The following CENPT variants were observed in gnomAD, a reference collection of about 807,000 sequenced individuals.
The protein encoded by CENPT is interphase centromere complex protein 22.
In CENPT, 42 loss-of-function variants were observed where a neutral mutation model predicts 59.7. The observed-to-expected ratio is 0.70, with a 90% CI of 0.55 to 0.91. The LOEUF is 0.91. Ranked by LOEUF, CENPT falls within the 40% of genes least tolerant of loss-of-function variation. The pLI is 0.00. For missense variants in CENPT, 716 were observed against 713.4 expected, an observed-to-expected ratio of 1.00 and a Z score of -0.04; for synonymous variants, 295 against 289.6, an observed-to-expected ratio of 1.02 and a Z score of -0.19.
Position 67,832,017 on chromosome 16 carries a change from G to C in CENPT, c.381C>G (p.Cys127Trp), listed in dbSNP as rs202192558. ...AVQPSRQESS[C>W]GSLELQLPEL... is the part of the protein sequence containing the mutation. ...GGTGGGGGAGTTCTGTGTACCTGCC[G>C]CAACTGCTCTCTTGTCTGGAGGGTT... The change falls in exon 7 of 16, where the codon TGC becomes TGG. Residue 127 changes from cysteine (C) to tryptophan (W), a missense_variant. By Grantham distance (215) the Cys-to-Trp change is radical. Transcript: ENST00000562787. The C allele has an allele frequency of 1.2e-6, 2 of 1,601,098 alleles. No homozygotes were observed. Among genetic ancestry groups the C allele is most frequent in the Non-Finnish European group, 1.7e-6 (2 of 1,171,920 alleles).
chr16:67,840,197 A>C (rs1311792271), intron 1 of CENPT, among the ~76,000 whole-genome samples: 1 of 152,154 alleles, frequency 6.6e-6, no homozygotes, highest in Non-Finnish European at 1.5e-5. Context: ...GGGCGCTTGT[A>C]GTCCCAGCTA....
Position 67,829,476 on chromosome 16 carries a change from C to G in CENPT, c.1227G>C (p.Gln409His), listed in dbSNP as rs756303828. The G allele has an allele frequency of 4.4e-6, 7 of 1,588,144 alleles. No homozygotes were observed. Among genetic ancestry groups the G allele is most frequent in the African/African-American group, 4.1e-5 (3 of 72,938 alleles). Residue 409 changes from glutamine (Q) to histidine (H), a missense_variant, in exon 13 of 16, where the codon CAG becomes CAC. Gln to His is a conservative substitution (Grantham distance 24, BLOSUM62 0). Transcript: ENST00000562787. ...ESASSTPESL[Q>H]ARRHHQFLEP... Reference sequence around the variant, plus strand: ...CAAGAAACTGATGATGTCGCCTGGCCTGGAGAGACTCAGGGGTGCTGGAGG... The same window carrying G: ...CAAGAAACTGATGATGTCGCCTGGCGTGGAGAGACTCAGGGGTGCTGGAGG...
At chr16:67,839,242 C>T (rs904194539) in intron 1 of CENPT, among the ~76,000 whole-genome samples, 18 of 151,676 alleles carry the variant, frequency 1.2e-4, no homozygotes, top group East Asian at 1.9e-4. Context: ...AAAAATTAGC[C>T]GGGTATGGTG....
intron 4 of CENPT, among the ~76,000 whole-genome samples, 195 bp downstream of exon 4, chr16:67,833,555 C>CA (rs890382774): frequency 2.0e-5 from 3 of 152,156 alleles, no homozygotes; most frequent in Admixed American, 6.5e-5. Context: ...AACCAGTTCT[C>CA]AGAGTCCCAG....
intron 13 of CENPT, 173 bp from the exon 14 acceptor site, chr16:67,829,016 C>T: frequency 5.1e-6 from 3 of 593,350 alleles, no homozygotes; most frequent in Non-Finnish European, 2.9e-6. Context: ...CACATAGAGG[C>T]CAGTCTTTCC....
At position 67,833,737 on chromosome 16, in the gene CENPT, C is replaced by T. The variant is rs1185674031; in HGVS notation, c.110+13G>A. 9 of 1,479,554 alleles carry T rather than the reference C, an allele frequency of 6.1e-6. No individual in the cohort carries two copies. Among genetic ancestry groups the T allele is most frequent in the South Asian group, 2.6e-5 (2 of 76,998 alleles). The allele number at this position is 1,479,554 out of a possible 1,614,324, so 91.7% of individuals were successfully genotyped here. ...TCTAGTTGCTCAAGTACTCGGGGAG[C>T]CCCCTCACATACCCAGCCCGAGCAC... On this transcript the variant is annotated intron_variant, in intron 4 of 15. Coordinates refer to ENST00000562787, the MANE Select transcript of CENPT (RefSeq NM_025082.4).
rs1013460871 is a variant in CENPT at position 67,835,593 on chromosome 16, G to A, written c.-426C>T. On this transcript the variant is annotated 5_prime_UTR_variant, in exon 2 of 16. Transcript: ENST00000562787. ...CAGGAGAATTGCTTGAACCCTGGGA[G>A]GCAGAGGTTGCAGAGCTGAGATCGA... 2 of 152,126 alleles carry A rather than the reference G, an allele frequency of 1.3e-5. No homozygotes were observed. The highest frequency in any genetic ancestry group is 4.8e-5 in the African/African-American group (2 of 41,432). 9.4% of individuals were successfully genotyped at this position (152,126 alleles called of 1,614,324 possible).
intron 5 of CENPT, 21 bp from the exon 6 acceptor site, chr16:67,832,336 A>G (rs748742967): frequency 6.8e-6 from 11 of 1,613,592 alleles, no homozygotes; most frequent in Non-Finnish European, 8.5e-6. Flanking sequence ...AGCACCAAGC[A>G]ACCAGTCTGT....
Position 67,843,132 on chromosome 16 carries a change from A to G in CENPT, c.-492+4269T>C. 6.2e-7 allele frequency: 1 copy of G among 1,610,136 alleles called. No homozygotes were observed. The highest frequency in any genetic ancestry group is 8.5e-7 in the Non-Finnish European group (1 of 1,179,626). On this transcript the variant is annotated intron_variant, in intron 1 of 15. Transcript: ENST00000562787. The surrounding 1 kb of genome is among the most constrained non-coding windows in gnomAD (Gnocchi z 5.7). ...GTGAAGCCCATCGATCTCACAGTGC[A>G]AGTGGAGTTTGCAGCCGCAGAGGGC...
At chr16:67,829,541 C>A in intron 12 of CENPT, 25 bp from the exon 13 acceptor site, 1 of 1,576,842 alleles carries the variant, frequency 6.3e-7, no homozygotes, top group East Asian at 2.2e-5. Context: ...GGTGGGGTCA[C>A]AGGGATTCCA....
chr16:67,829,339 G>A lies in CENPT; in HGVS notation c.1280+84C>T. The stretch of plus-strand genomic sequence containing the variant: ...CTGGGTAATCATCTGCATACCCGTA[G>A]GAAGGGGGAGGACCCTATGTACACA... On this transcript the variant is annotated intron_variant, in intron 13 of 15. Coordinates refer to ENST00000562787, the MANE Select transcript of CENPT (RefSeq NM_025082.4). 3 of 1,099,464 alleles carry A rather than the reference G, an allele frequency of 2.7e-6. No individual in the cohort carries two copies. The Admixed American group carries it at 9.3e-5, about 34-fold the overall frequency. 68.1% of individuals were successfully genotyped at this position (1,099,464 alleles called of 1,614,324 possible).
At chr16:67,838,063 G>C (rs1263405180) in intron 1 of CENPT, among the ~76,000 whole-genome samples, 1 of 152,204 alleles carries the variant, frequency 6.6e-6, no homozygotes, top group Non-Finnish European at 1.5e-5. Flanking sequence ...GATTAAGACA[G>C]AGAGTGAGCT....
Position 67,843,883 on chromosome 16 carries a change from T to C in CENPT, c.-492+3518A>G, listed in dbSNP as rs529581239. The C allele has an allele frequency of 7.9e-5, 16 of 202,940 alleles. No homozygotes were observed. Among genetic ancestry groups the C allele is most frequent in the Non-Finnish European group, 1.8e-4 (16 of 89,670 alleles). The allele number at this position is 202,940 out of a possible 1,614,324, so 12.6% of individuals were successfully genotyped here. ...TTGGTCAGCAGTCAGACAACTCTAA[T>C]GTGTGTAGTGATAAGAGATTCAAGT... On this transcript the variant is annotated intron_variant, in intron 1 of 15. Transcript: ENST00000562787. The surrounding 1 kb of genome is among the most constrained non-coding windows in gnomAD (Gnocchi z 5.7).
At position 67,833,828 on chromosome 16, in the gene CENPT, G is replaced by C; in HGVS notation, c.32C>G (p.Thr11Arg). ...CACGCGTCGCAGCAGCGTGCGCGGC[G>C]TGGAGTCGCTGTCAGGGTTGTGGTC... MADHNPDSDS[T>R]PRTLLRRVLD... Residue 11 changes from threonine to arginine, a missense_variant, in exon 4 of 16, where the codon ACG becomes AGG. By Grantham distance (71) the Thr-to-Arg change is moderately conservative. Coordinates refer to ENST00000562787, the MANE Select transcript of CENPT (RefSeq NM_025082.4). 2 of 1,572,972 alleles carry C rather than the reference G, an allele frequency of 1.3e-6. No homozygotes were observed. Among genetic ancestry groups the C allele is most frequent in the Middle Eastern group, 3.4e-4 (2 of 5,922 alleles).
intron 11 of CENPT, 137 bp from the exon 12 acceptor site, chr16:67,830,225 G>T: frequency 1.7e-6 from 2 of 1,210,110 alleles, no homozygotes; most frequent in Non-Finnish European, 1.2e-6. Context: ...ACCAGGACAT[G>T]GATCTGAAGT....
rs1270275691 is a variant in CENPT at position 67,830,418 on chromosome 16, C to T, written c.834G>A (p.Gln278=). Residue 278 remains glutamine, a synonymous_variant, in exon 11 of 16, where the codon CAG becomes CAA. Coordinates refer to ENST00000562787, the MANE Select transcript of CENPT (RefSeq NM_025082.4). ...DAEQAAGRKT[Q]SSGPGLQKNS... ...TCTTCTGCAGCCCAGGCCCACTGCT[C>T]TGTGTCTTGCGACCGGCAGCCTGCT... 3 of 1,613,708 alleles carry T rather than the reference C, an allele frequency of 1.9e-6. No individual in the cohort carries two copies. The highest frequency in any genetic ancestry group is 2.2e-5 in the East Asian group (1 of 44,892).
intron 1 of CENPT, among the ~76,000 whole-genome samples, chr16:67,839,381 CAAA>C (rs533840724): frequency 5.5e-5 from 3 of 54,166 alleles, no homozygotes; most frequent in Non-Finnish European, 7.6e-5. Flanking sequence ...AACTCCACCT[CAAA>C]AAAAAAAAAA....
chr16:67,842,835 C>T lies in CENPT; in HGVS notation c.-492+4566G>A. 2.5e-6 allele frequency: 4 copies of T among 1,608,972 alleles called. No individual in the cohort carries two copies. Among genetic ancestry groups the T allele is most frequent in the Non-Finnish European group, 3.4e-6 (4 of 1,179,108 alleles). ...AATGAGCGCAAAGTAGCGCGCAGAC[C>T]CGCTGGGGCCGCGGCCGCCCGCCGC... On this transcript the variant is annotated intron_variant, in intron 1 of 15. Coordinates refer to ENST00000562787, the MANE Select transcript of CENPT (RefSeq NM_025082.4). This position sits in a 1 kb window ranked among gnomAD's most constrained non-coding sequence, Gnocchi z 4.9.
chr16:67,847,158 C>G (rs998197975), intron 1 of CENPT: 1 of 151,852 alleles, frequency 6.6e-6, no homozygotes, highest in African/African-American at 2.4e-5. Context: ...CGCCTCCCGC[C>G]GGTCCTGTGA....
Sources: allele counts gnomAD v4.1 joint callset (sites outside exome capture counted in the v4.1 genomes callset), GRCh38; gene constraint gnomAD v4.1.1; non-coding constraint Gnocchi (gnomAD v3.1); transcripts MANE v1.5; gene names NCBI Gene and HGNC (gene_info 2026-07-23, HGNC 2026-07-21).